Variants in SIK3 observed in about 807,000 individuals in gnomAD.
SIK3 encodes SIK family kinase 3.
SIK3 carries 28 observed loss-of-function variants against 144.2 expected under a neutral mutation model. That is an observed-to-expected ratio of 0.19 (90% CI 0.14 to 0.27). SIK3 has a LOEUF of 0.27. SIK3 is among the 10% of genes least tolerant of loss of function. SIK3 has a pLI of 1.00. For synonymous variants in SIK3, 686 were observed against 676.3 expected, an observed-to-expected ratio of 1.01 and a Z score of -0.22; for missense variants, 1,319 against 1,776.0, an observed-to-expected ratio of 0.74 and a Z score of 4.62.
chr11:116,942,121 C>T (rs1445125461), intron 3 of SIK3, among the ~76,000 whole-genome samples: 5 of 152,264 alleles, frequency 3.3e-5, no homozygotes, highest in Admixed American at 2.0e-4. Context: ...AAAAAAGGTG[C>T]TTTCCCCATG....
intron 1 of SIK3, among the ~76,000 whole-genome samples, chr11:117,059,300 G>C (rs1400566260): frequency 6.6e-6 from 1 of 152,152 alleles, no homozygotes; most frequent in Non-Finnish European, 1.5e-5. Context: ...AAATGATTTA[G>C]AAGGAATAGG....
chr11:116,851,726 G>T (rs1942461041), intron 21 of SIK3, among the ~76,000 whole-genome samples: 1 of 152,196 alleles, frequency 6.6e-6, no homozygotes. Flanking sequence ...ACCAGGACTT[G>T]CTCTGTGGGA....
chr11:116,898,471 G>C, intron 4 of SIK3, among the ~76,000 whole-genome samples: 1 of 151,644 alleles, frequency 6.6e-6, no homozygotes, highest in East Asian at 1.9e-4. Context: ...ATGATTTATA[G>C]TCCTTTGGGT....
At chr11:117,072,384 T>TTA (rs1954320696) in intron 1 of SIK3, among the ~76,000 whole-genome samples, 1 of 151,724 alleles carries the variant, frequency 6.6e-6, no homozygotes. Context: ...AAACTCCGTC[T>TTA]CAAAAAAAAT....
At chr11:117,043,615 T>C (rs984216551) in intron 1 of SIK3, among the ~76,000 whole-genome samples, 1 of 152,210 alleles carries the variant, frequency 6.6e-6, no homozygotes, top group South Asian at 2.1e-4. Flanking sequence ...CAACATTGCG[T>C]GACTATAACA....
intron 1 of SIK3, among the ~76,000 whole-genome samples, chr11:117,064,800 G>T (rs1370195008): frequency 6.6e-6 from 1 of 152,126 alleles, no homozygotes; most frequent in Non-Finnish European, 1.5e-5. Flanking sequence ...AACTGCACTT[G>T]ACTTTTAATT....
At chr11:117,076,683 C>G (rs1286065823) in intron 1 of SIK3, among the ~76,000 whole-genome samples, 2 of 152,042 alleles carry the variant, frequency 1.3e-5, no homozygotes, top group African/African-American at 2.4e-5. Flanking sequence ...CCGCTAATTA[C>G]CATACCCGGC....
chr11:116,978,199 C>T (rs1805533482), intron 1 of SIK3, among the ~76,000 whole-genome samples: 1 of 150,184 alleles, frequency 6.7e-6, no homozygotes, highest in African/African-American at 2.5e-5. Context: ...GCCTTGGTGA[C>T]AGAGACTCCG....
At chr11:117,061,491 T>G (rs1020617705) in intron 1 of SIK3, among the ~76,000 whole-genome samples, 2 of 152,138 alleles carry the variant, frequency 1.3e-5, no homozygotes, top group Non-Finnish European at 2.9e-5. Context: ...ACTGGCAAAT[T>G]GGGGATAATA....
At chr11:117,084,450 G>A (rs1954921003) in intron 1 of SIK3, among the ~76,000 whole-genome samples, 1 of 152,092 alleles carries the variant, frequency 6.6e-6, no homozygotes, top group Non-Finnish European at 1.5e-5. Context: ...ATTTTTAGTA[G>A]AGACAGGGTT....
At chr11:117,076,977 G>A (rs996588919) in intron 1 of SIK3, among the ~76,000 whole-genome samples, 5 of 152,166 alleles carry the variant, frequency 3.3e-5, no homozygotes, top group African/African-American at 1.2e-4. Context: ...GCAACAAACC[G>A]AGACACTGTC....
intron 1 of SIK3, among the ~76,000 whole-genome samples, chr11:117,079,284 G>A (rs929519354): frequency 6.6e-6 from 1 of 152,190 alleles, no homozygotes; most frequent in African/African-American, 2.4e-5. Context: ...TTAGAATTCA[G>A]AAATGTACCT....
chr11:116,946,939 A>C (rs191655881), intron 3 of SIK3, among the ~76,000 whole-genome samples: 22,013 of 150,900 alleles, frequency 0.15, 2,233 homozygotes, highest in African/African-American at 0.28. Flanking sequence ...CATGGTGAAA[A>C]CCCATCTCTA....
chr11:117,020,210 C>T (rs538135742), intron 1 of SIK3, among the ~76,000 whole-genome samples: 69 of 108,222 alleles, frequency 6.4e-4, no homozygotes, highest in Non-Finnish European at 7.2e-4. Context: ...TCATGGGTCG[C>T]GGTGATATTT....
Position 116,861,855 on chromosome 11 carries a change from G to A in SIK3, c.2301C>T (p.Thr767=). Residue 767 remains threonine, a synonymous_variant, in exon 18 of 25, where the codon ACC becomes ACT. Coordinates refer to ENST00000445177, the MANE Select transcript of SIK3 (RefSeq NM_001366686.3). ...AACENQPALL[T]HQLQRLRIQP... ...ATGACTCATACCTCTGGAGCTGATGGGTAAGGAGGGCTGGCTGATTTTCAC... is the reference window on the plus strand; with the variant it reads ...ATGACTCATACCTCTGGAGCTGATGAGTAAGGAGGGCTGGCTGATTTTCAC... 1 of 1,611,180 alleles carries A rather than the reference G, an allele frequency of 6.2e-7. No homozygotes were observed. Among genetic ancestry groups the A allele is most frequent in the South Asian group, 1.1e-5 (1 of 90,408 alleles).
chr11:116,946,515 G>C (rs1165912059), intron 3 of SIK3, among the ~76,000 whole-genome samples: 1 of 152,164 alleles, frequency 6.6e-6, no homozygotes, highest in Non-Finnish European at 1.5e-5. Flanking sequence ...TTGGAGCTTA[G>C]GGAATCTTTC....
At chr11:117,007,858 T>C (rs1315795608) in intron 1 of SIK3, among the ~76,000 whole-genome samples, 1 of 151,466 alleles carries the variant, frequency 6.6e-6, no homozygotes, top group Non-Finnish European at 1.5e-5. Flanking sequence ...CTGAGGCGAG[T>C]AGATCACCTG....
chr11:117,096,619 CCT>C (rs1252253960), intron 1 of SIK3, among the ~76,000 whole-genome samples: 2 of 151,972 alleles, frequency 1.3e-5, no homozygotes, highest in African/African-American at 4.8e-5. Context: ...GACTGGAGGC[CCT>C]GTGATAAAAA....
intron 1 of SIK3, among the ~76,000 whole-genome samples, chr11:116,996,717 G>A (rs1950678767): frequency 6.7e-6 from 1 of 149,934 alleles, no homozygotes; most frequent in African/African-American, 2.5e-5. Context: ...CTACTCAAGA[G>A]GCTGAGGCAT....
Sources: allele counts gnomAD v4.1 joint callset (sites outside exome capture counted in the v4.1 genomes callset), GRCh38; gene constraint gnomAD v4.1.1; transcripts MANE v1.5; gene names NCBI Gene and HGNC (gene_info 2026-07-23, HGNC 2026-07-21).